RASAL2: variants seen among roughly 807,000 people sequenced by gnomAD.
The protein encoded by RASAL2 is ras GTPase-activating protein nGAP.
Under a neutral mutation model 128.9 loss-of-function variants are expected in RASAL2, and 58 were observed. The observed-to-expected ratio is 0.45, with a 90% CI of 0.36 to 0.56. The LOEUF (loss-of-function observed/expected upper bound fraction) is 0.56. Ranked by LOEUF, RASAL2 falls within the 20% of genes least tolerant of loss-of-function variation. The pLI is 0.00. For missense variants in RASAL2, 1,360 were observed against 1,601.6 expected (o/e 0.85, Z 2.57); for synonymous variants, 561 against 580.8 (o/e 0.97, Z 0.49).
At chr1:178,119,372 C>T (rs1009159351) in intron 1 of RASAL2, among the ~76,000 whole-genome samples, 4 of 152,108 alleles carry the variant, frequency 2.6e-5, no homozygotes, top group Non-Finnish European at 4.4e-5. Flanking sequence ...CGTGAACAGG[C>T]GTGAGTTAAG....
At chr1:178,333,207 TTTAG>T (rs1358203150) in intron 3 of RASAL2, among the ~76,000 whole-genome samples, 2 of 151,880 alleles carry the variant, frequency 1.3e-5, no homozygotes, top group African/African-American at 4.8e-5. Context: ...TTTTTGTATT[TTTAG>T]TAGAGATGGG....
chr1:178,096,752 CT>C (rs1216103599), intron 1 of RASAL2, among the ~76,000 whole-genome samples: 1 of 151,852 alleles, frequency 6.6e-6, no homozygotes, highest in Non-Finnish European at 1.5e-5. Context: ...TTTGTTTTCT[CT>C]ATCAATTAAC....
chr1:178,400,234 C>T (rs1473013698), intron 4 of RASAL2, among the ~76,000 whole-genome samples: 4 of 152,202 alleles, frequency 2.6e-5, no homozygotes, highest in Non-Finnish European at 4.4e-5. Flanking sequence ...TCAGTATCCT[C>T]ATTTTCACCC....
rs1375277587 is a variant in RASAL2, at chr1:178,442,833, A to G, written c.1086A>G (p.Glu362=). Residue 362 remains glutamate (E), a synonymous_variant, in exon 8 of 18, where the codon GAA becomes GAG. Coordinates refer to ENST00000367649, the MANE Select transcript of RASAL2 (RefSeq NM_170692.4). ...KTKADNIFWG[E]HFEFFSLPPL... The stretch of plus-strand genomic sequence containing the variant: ...AAGCAGACAATATTTTCTGGGGCGA[A>G]CATTTTGAATTCTTCAGCCTTCCAC... 3 of 1,613,914 alleles carry G rather than the reference A, an allele frequency of 1.9e-6. No homozygotes were observed. Among genetic ancestry groups the G allele is most frequent in the Non-Finnish European group, 2.5e-6 (3 of 1,179,978 alleles).
intron 3 of RASAL2, among the ~76,000 whole-genome samples, chr1:178,318,723 C>G (rs1668609223): frequency 6.6e-6 from 1 of 152,114 alleles, no homozygotes; most frequent in African/African-American, 2.4e-5. Flanking sequence ...ATACAGCACA[C>G]TGATGGATCT....
At chr1:178,163,139 T>C (rs1428024965) in intron 1 of RASAL2, among the ~76,000 whole-genome samples, 2 of 151,660 alleles carry the variant, frequency 1.3e-5, no homozygotes, top group Non-Finnish European at 2.9e-5. Flanking sequence ...GGCTAATTTT[T>C]ATATTTTTAG....
chr1:178,442,974 A>G lies in RASAL2; in HGVS notation c.1227A>G (p.Gln409=), dbSNP rs1278877513. The stretch of plus-strand genomic sequence containing the variant: ...CCACTGCCAGTGTGACTGGTCGCCA[A>G]TTTGTAGAAAAGTGGTATCCAGTGA... ...NIPTASVTGR[Q]FVEKWYPVST... Residue 409 remains glutamine, a synonymous_variant, in exon 8 of 18, where the codon CAA becomes CAG. Transcript: ENST00000367649. 1.2e-6 allele frequency: 2 copies of G among 1,614,044 alleles called. No individual in the cohort carries two copies. Among genetic ancestry groups the G allele is most frequent in the Non-Finnish European group, 1.7e-6 (2 of 1,179,956 alleles).
At chr1:178,213,421 T>C (rs920919205) in intron 1 of RASAL2, among the ~76,000 whole-genome samples, 1 of 151,970 alleles carries the variant, frequency 6.6e-6, no homozygotes, top group Non-Finnish European at 1.5e-5. Context: ...GAGAAAAGAG[T>C]GTAGACATCT....
chr1:178,323,357 C>T (rs1203814970), intron 3 of RASAL2, among the ~76,000 whole-genome samples: 2 of 152,136 alleles, frequency 1.3e-5, no homozygotes, highest in Non-Finnish European at 2.9e-5. Flanking sequence ...TCTTTCTTGA[C>T]TTTCAGGTGG....
chr1:178,276,291 G>A (rs1400733316), intron 1 of RASAL2, among the ~76,000 whole-genome samples: 1 of 152,184 alleles, frequency 6.6e-6, no homozygotes. Flanking sequence ...ACAGAATATA[G>A]AGGGTGGGAA....
In RASAL2 at chr1:178,222,786, G is replaced by A. The variant is rs1050488852; in HGVS notation, c.203-60778G>A. ...ATAATAATTATAAAAAACTTGAACA[G>A]GCCAGATAATAGTTTGTACATCTAC... is the stretch of plus-strand genomic sequence containing the variant. On this transcript the variant is annotated intron_variant, in intron 1 of 17. Coordinates refer to ENST00000367649, the MANE Select transcript of RASAL2 (RefSeq NM_170692.4). Among the ~76,000 whole-genome samples the A allele has an allele frequency of 6.6e-5, 10 of 152,172 alleles. No homozygotes were observed. The East Asian group carries it at 1.5e-3, about 23-fold the overall frequency.
At chr1:178,196,498 A>C (rs920117926) in intron 1 of RASAL2, among the ~76,000 whole-genome samples, 1 of 152,206 alleles carries the variant, frequency 6.6e-6, no homozygotes, top group Non-Finnish European at 1.5e-5. Flanking sequence ...AGGGGAAAAA[A>C]TTCCAGAAAA....
At chr1:178,147,415 C>G (rs530875827) in intron 1 of RASAL2, among the ~76,000 whole-genome samples, 1 of 143,810 alleles carries the variant, frequency 7.0e-6, no homozygotes, top group Non-Finnish European at 1.5e-5. Context: ...GCTTGAGCCC[C>G]GGAGGTGGAG....
At chr1:178,456,617 C>G (rs1677791605) in intron 12 of RASAL2, 104 bp from the exon 13 acceptor site, 3 of 1,243,758 alleles carry the variant, frequency 2.4e-6, no homozygotes, top group Admixed American at 3.4e-5. Flanking sequence ...ACCCTTCCCT[C>G]CAACCTACAC....
intron 17 of RASAL2, among the ~76,000 whole-genome samples, chr1:178,469,984 A>G (rs948162866): frequency 6.6e-6 from 1 of 152,262 alleles, no homozygotes; most frequent in African/African-American, 2.4e-5. Context: ...TTAAAAAATT[A>G]TAGTGTCCTT....
At chr1:178,301,307 TG>T (rs1311789167) in intron 3 of RASAL2, among the ~76,000 whole-genome samples, 1 of 152,226 alleles carries the variant, frequency 6.6e-6, no homozygotes, top group Non-Finnish European at 1.5e-5. Flanking sequence ...AAAACCTGTC[TG>T]GGTGTAACCA....
At chr1:178,205,414 C>G (rs1403331894) in intron 1 of RASAL2, among the ~76,000 whole-genome samples, 1 of 152,014 alleles carries the variant, frequency 6.6e-6, no homozygotes, top group Non-Finnish European at 1.5e-5. Flanking sequence ...AATTAAAAGC[C>G]AAAAGCAGAG....
chr1:178,472,950 C>T lies in RASAL2; in HGVS notation c.3679-125C>T, dbSNP rs1411612909. The T allele has an allele frequency of 5.5e-6, 6 of 1,096,152 alleles. No homozygotes were observed. In the African/African-American group the frequency reaches 7.9e-5, roughly 14 times the overall value. The allele number at this position is 1,096,152 out of a possible 1,614,324, so 67.9% of individuals were successfully genotyped here. A position where few individuals can be genotyped will look rare whatever the true frequency, so the allele number is the denominator to read the frequency against. ...GTGTGCAGAAAGAGGCAGAGACGTTCCATTTGTCTGGGAAGCACCATGCAT... is the reference window on the plus strand; with the variant it reads ...GTGTGCAGAAAGAGGCAGAGACGTTTCATTTGTCTGGGAAGCACCATGCAT... On this transcript the variant is annotated intron_variant, in intron 17 of 17. Coordinates refer to ENST00000367649, the MANE Select transcript of RASAL2 (RefSeq NM_170692.4).
chr1:178,402,650 A>G (rs1857236), intron 4 of RASAL2, among the ~76,000 whole-genome samples: 4,786 of 152,248 alleles, frequency 0.031, 95 homozygotes, highest in Non-Finnish European at 0.05. Flanking sequence ...GTAAAGAGTA[A>G]TTACATTGTT....
Sources: gnomAD v4.1 joint callset for allele counts (sites outside exome capture counted in the v4.1 genomes callset) on GRCh38, gnomAD v4.1.1 for gene constraint, MANE v1.5 for transcripts, NCBI Gene and HGNC (gene_info 2026-07-23, HGNC 2026-07-21) for gene names.